The following ZSCAN5A variants were observed in gnomAD, a reference collection of about 807,000 sequenced individuals.
The protein encoded by ZSCAN5A is zinc finger and SCAN domain-containing protein 5A.
In ZSCAN5A, 12 loss-of-function variants were observed where a neutral mutation model predicts 23.7. The ratio of observed to expected loss-of-function variants is 0.51; its 90% CI spans 0.32 to 0.82. The LOEUF (loss-of-function observed/expected upper bound fraction) is 0.82, where lower values mean the gene tolerates loss of function less well. ZSCAN5A is among the 40% of genes least tolerant of loss of function. The pLI, the probability that ZSCAN5A is intolerant of heterozygous loss-of-function variation, is 0.03. For missense variants in ZSCAN5A, 597 were observed against 617.9 expected (o/e 0.97, Z 0.36); for synonymous variants, 257 against 239.9 (o/e 1.07, Z -0.66).
chr19:56,367,570 A>G (rs1376314926), intron 1 of ZSCAN5A, among the ~76,000 whole-genome samples: 1 of 152,226 alleles, frequency 6.6e-6, no homozygotes, highest in Non-Finnish European at 1.5e-5. Flanking sequence ...GTAGAATCAA[A>G]TGACCTAAAA....
intron 2 of ZSCAN5A, among the ~76,000 whole-genome samples, chr19:56,308,630 A>C (rs1413341887): frequency 6.9e-6 from 1 of 145,850 alleles, no homozygotes; most frequent in Non-Finnish European, 1.5e-5. Flanking sequence ...CCCCATATTA[A>C]ATCATTTCTG....
intron 2 of ZSCAN5A, among the ~76,000 whole-genome samples, chr19:56,234,822 T>A (rs968347074): frequency 6.6e-6 from 1 of 152,202 alleles, no homozygotes; most frequent in African/African-American, 2.4e-5. Flanking sequence ...GGAGCTCGGA[T>A]TTCAAGGCAG....
At chr19:56,276,015 ATCTGAG>A (rs2038220656) in intron 2 of ZSCAN5A, among the ~76,000 whole-genome samples, 1 of 152,074 alleles carries the variant, frequency 6.6e-6, no homozygotes, top group Non-Finnish European at 1.5e-5. Context: ...TATTGCACTG[ATCTGAG>A]TCTAATGCTA....
chr19:56,292,987 T>C (rs2039619507), intron 2 of ZSCAN5A, among the ~76,000 whole-genome samples: 1 of 152,160 alleles, frequency 6.6e-6, no homozygotes, highest in African/African-American at 2.4e-5. Flanking sequence ...TTGGGTTGAT[T>C]CTACCTTTCG....
chr19:56,334,724 C>T (rs2041519178), intron 2 of ZSCAN5A, among the ~76,000 whole-genome samples: 1 of 152,112 alleles, frequency 6.6e-6, no homozygotes, highest in Admixed American at 6.6e-5. Context: ...CTGGAGAGGA[C>T]TCCTAGCAAA....
At chr19:56,239,566 TC>T (rs2035248691) in intron 2 of ZSCAN5A, among the ~76,000 whole-genome samples, 1 of 152,198 alleles carries the variant, frequency 6.6e-6, no homozygotes, top group Admixed American at 6.5e-5. Flanking sequence ...TTTCTCTGGT[TC>T]CCACTGTTTT....
intron 4 of ZSCAN5A, 54 bp downstream of exon 4, chr19:56,223,577 T>G: frequency 1.3e-6 from 2 of 1,586,390 alleles, no homozygotes; most frequent in Non-Finnish European, 1.7e-6. Context: ...CCACACGATT[T>G]CCTCCTGTTC....
At chr19:56,326,953 A>C (rs1052557290) in intron 2 of ZSCAN5A, among the ~76,000 whole-genome samples, 1 of 151,784 alleles carries the variant, frequency 6.6e-6, no homozygotes, top group East Asian at 1.9e-4. Context: ...GCAAACATTC[A>C]CTCAGTGCTA....
intron 2 of ZSCAN5A, among the ~76,000 whole-genome samples, chr19:56,230,021 T>C (rs1242922971): frequency 6.6e-6 from 1 of 152,196 alleles, no homozygotes; most frequent in African/African-American, 2.4e-5. Flanking sequence ...ACATGTTGTT[T>C]GCAAAGAGAG....
chr19:56,276,476 CG>C (rs2038263708), intron 2 of ZSCAN5A, among the ~76,000 whole-genome samples: 1 of 145,574 alleles, frequency 6.9e-6, no homozygotes, highest in African/African-American at 2.5e-5. Context: ...ACTGAACACG[CG>C]AAAAAAATTA....
chr19:56,237,794 G>T (rs1057218199), intron 2 of ZSCAN5A, among the ~76,000 whole-genome samples: 17 of 151,994 alleles, frequency 1.1e-4, no homozygotes, highest in African/African-American at 3.9e-4. Context: ...GGTGGCGCCT[G>T]TATTCCCAGC....
intron 2 of ZSCAN5A, among the ~76,000 whole-genome samples, chr19:56,332,844 C>T (rs965342803): frequency 4.3e-4 from 65 of 152,180 alleles, no homozygotes; most frequent in African/African-American, 1.5e-3. Context: ...TCTTGTAAGG[C>T]TGGTCTAGTG....
Position 56,222,279 on chromosome 19 carries a change from A to G in ZSCAN5A, c.787T>C (p.Ser263Pro). The G allele has an allele frequency of 6.2e-7, 1 of 1,613,462 alleles. No homozygotes were observed. The highest frequency in any genetic ancestry group is 1.7e-4 in the Middle Eastern group (1 of 6,056). Residue 263 changes from serine (S) to proline (P), a missense_variant, in exon 6 of 6, where the codon TCT (serine) becomes CCT (proline). This residue lies in a region of ZSCAN5A where 406 missense variants were observed against 353.2 expected (regional missense o/e 1.15). Transcript: ENST00000683990. ...GTGTCAGCATCCACATTTTCCACAG[A>G]GGCTATTTTTGGGGGGTCCTTCCCC... ...KEGKDPPKIA[S>P]VENVDADTPS...
intron 2 of ZSCAN5A, among the ~76,000 whole-genome samples, chr19:56,229,909 C>G (rs975262748): frequency 1.3e-5 from 2 of 152,038 alleles, no homozygotes; most frequent in Non-Finnish European, 2.9e-5. Flanking sequence ...TATAAAAACA[C>G]TACTGATTTT....
At chr19:56,253,650 G>A (rs1426251503) in intron 2 of ZSCAN5A, among the ~76,000 whole-genome samples, 5 of 152,154 alleles carry the variant, frequency 3.3e-5, no homozygotes, top group Non-Finnish European at 5.9e-5. Flanking sequence ...AGTTTTGAAC[G>A]TTGGGATGTC....
chr19:56,344,986 T>G (rs1358905141), intron 2 of ZSCAN5A, among the ~76,000 whole-genome samples: 1 of 147,142 alleles, frequency 6.8e-6, no homozygotes, highest in Non-Finnish European at 1.5e-5. Flanking sequence ...GCACCTGTAG[T>G]CCCAGCTACT....
intron 2 of ZSCAN5A, among the ~76,000 whole-genome samples, chr19:56,324,187 T>C (rs1036960066): frequency 6.6e-6 from 1 of 152,238 alleles, no homozygotes; most frequent in Non-Finnish European, 1.5e-5. Flanking sequence ...ATGAGATCCA[T>C]GTTTTTAGCT....
chr19:56,242,942 C>T (rs1240539203), intron 2 of ZSCAN5A, among the ~76,000 whole-genome samples: 1 of 152,106 alleles, frequency 6.6e-6, no homozygotes, highest in South Asian at 2.1e-4. Context: ...CCATGCCCGG[C>T]TAATTTTTGT....
chr19:56,362,857 T>C (rs1405319131), intron 2 of ZSCAN5A, among the ~76,000 whole-genome samples: 2 of 142,492 alleles, frequency 1.4e-5, no homozygotes, highest in African/African-American at 5.3e-5. Context: ...GGCGACAGAG[T>C]GAGACTCTGC....
Sources: gnomAD v4.1 joint callset for allele counts (sites outside exome capture counted in the v4.1 genomes callset) on GRCh38, gnomAD v4.1.1 for gene constraint, gnomAD v4.1.1 regional missense constraint, MANE v1.5 for transcripts, NCBI Gene and HGNC (gene_info 2026-07-23, HGNC 2026-07-21) for gene names.